SLC8A1: variants seen among roughly 807,000 people sequenced by gnomAD.
SLC8A1 encodes solute carrier family 8 member A1.
In SLC8A1, 18 loss-of-function variants were observed where a neutral mutation model predicts 68.3. The observed-to-expected ratio is 0.26, with a 90% CI of 0.18 to 0.39. The LOEUF (loss-of-function observed/expected upper bound fraction) is 0.39, where lower values mean the gene tolerates loss of function less well. Ranked by LOEUF, SLC8A1 falls within the 10% of genes least tolerant of loss-of-function variation. The pLI, the probability that SLC8A1 is intolerant of heterozygous loss-of-function variation, is 1.00. For missense variants in SLC8A1, 985 were observed against 1,156.7 expected, an observed-to-expected ratio of 0.85 and a Z score of 2.15; for synonymous variants, 475 against 415.5, an observed-to-expected ratio of 1.14 and a Z score of -1.74.
At chr2:40,253,743 C>G (rs575060508) in intron 2 of SLC8A1, among the ~76,000 whole-genome samples, 1 of 146,324 alleles carries the variant, frequency 6.8e-6, no homozygotes, top group African/African-American at 2.5e-5. Context: ...AGGAGAATCA[C>G]TTAAACCCAG....
chr2:40,379,747 T>C (rs1360114869), intron 2 of SLC8A1, among the ~76,000 whole-genome samples: 1 of 152,060 alleles, frequency 6.6e-6, no homozygotes, highest in Non-Finnish European at 1.5e-5. Flanking sequence ...AGGCTTCTTC[T>C]TTGCTCATTT....
At chr2:40,457,676 C>A (rs1483276150) in intron 1 of SLC8A1, among the ~76,000 whole-genome samples, 1 of 152,186 alleles carries the variant, frequency 6.6e-6, no homozygotes, top group African/African-American at 2.4e-5. Context: ...ACAAGTAATA[C>A]TTAGAAACTG....
At chr2:40,189,048 T>A (rs1369568310) in intron 2 of SLC8A1, among the ~76,000 whole-genome samples, 1 of 152,210 alleles carries the variant, frequency 6.6e-6, no homozygotes, top group Non-Finnish European at 1.5e-5. Flanking sequence ...TTTACTAATA[T>A]CAAGGGGTAG....
chr2:40,428,451 A>T (rs774951970), intron 2 of SLC8A1, 22 bp downstream of exon 2: 1 of 1,534,134 alleles, frequency 6.5e-7, no homozygotes, highest in East Asian at 2.3e-5. Flanking sequence ...ACACACACAC[A>T]CATATATAAT....
chr2:40,115,085 T>C (rs888775823), exon 8 of SLC8A1: 2 of 389,350 alleles, frequency 5.1e-6, no homozygotes, highest in African/African-American at 4.2e-5. Context: ...CCCCTGGGAA[T>C]GGGAGGTGAT....
chr2:40,332,386 C>T (rs992642523), intron 2 of SLC8A1, among the ~76,000 whole-genome samples: 1 of 137,140 alleles, frequency 7.3e-6, no homozygotes, highest in Non-Finnish European at 1.5e-5. Context: ...TCAATTCAAA[C>T]AGTCAAATGA....
At chr2:40,121,795 CT>C (rs1264580624) in intron 7 of SLC8A1, among the ~76,000 whole-genome samples, 1 of 152,160 alleles carries the variant, frequency 6.6e-6, no homozygotes, top group East Asian at 1.9e-4. Flanking sequence ...TGATTCTATA[CT>C]TTTAAGGAGT....
intron 2 of SLC8A1, among the ~76,000 whole-genome samples, chr2:40,296,914 A>G (rs2070500585): frequency 6.6e-6 from 1 of 152,174 alleles, no homozygotes; most frequent in Middle Eastern, 3.2e-3. Flanking sequence ...CTCCACTAGA[A>G]ACTCCCTCTA....
chr2:40,387,267 A>G (rs954141056), intron 2 of SLC8A1, among the ~76,000 whole-genome samples: 3 of 151,370 alleles, frequency 2.0e-5, no homozygotes, highest in Admixed American at 6.6e-5. Flanking sequence ...CTCTAGAGAA[A>G]TGCTGCAAGT....
At chr2:40,431,701 T>A (rs906354500) in intron 1 of SLC8A1, among the ~76,000 whole-genome samples, 4 of 152,234 alleles carry the variant, frequency 2.6e-5, no homozygotes, top group Middle Eastern at 3.4e-3. Flanking sequence ...CATACCCTTA[T>A]GTCCTGGAAA....
intron 4 of SLC8A1, among the ~76,000 whole-genome samples, chr2:40,172,277 C>T (rs890114389): frequency 4.6e-5 from 7 of 152,116 alleles, no homozygotes; most frequent in Admixed American, 3.9e-4. Flanking sequence ...TAAAGTGAGA[C>T]GATTTCTTAG....
chr2:40,302,457 G>C (rs1559154638), intron 2 of SLC8A1, among the ~76,000 whole-genome samples: 1 of 150,740 alleles, frequency 6.6e-6, no homozygotes, highest in East Asian at 2.0e-4. Flanking sequence ...GTGTGTGTGT[G>C]TGTGTGTGTA....
At chr2:40,361,887 C>CTTT (rs1172909749) in intron 2 of SLC8A1, among the ~76,000 whole-genome samples, 643 of 53,148 alleles carry the variant, frequency 0.012, 133 homozygotes, top group Non-Finnish European at 0.013. Flanking sequence ...CTTTTCTTTC[C>CTTT]TTTTTTTTTT....
intron 2 of SLC8A1, among the ~76,000 whole-genome samples, chr2:40,280,097 C>A (rs1394167390): frequency 2.0e-5 from 3 of 151,906 alleles, no homozygotes; most frequent in South Asian, 2.1e-4. Flanking sequence ...TAAACCCTAG[C>A]CTTTTAGATA....
At chr2:40,246,527 C>T (rs577970696) in intron 2 of SLC8A1, among the ~76,000 whole-genome samples, 1 of 152,312 alleles carries the variant, frequency 6.6e-6, no homozygotes, top group African/African-American at 2.4e-5. Context: ...TAGCCAAACA[C>T]TGTGGGGTAA....
chr2:40,175,418 C>A, intron 3 of SLC8A1, 137 bp from the exon 4 acceptor site: 1 of 758,144 alleles, frequency 1.3e-6, no homozygotes, highest in Non-Finnish European at 2.2e-6. Flanking sequence ...ATGGGTATAC[C>A]CCAAAGAAAT....
chr2:40,286,840 G>C (rs2068397714), intron 2 of SLC8A1, among the ~76,000 whole-genome samples: 1 of 152,190 alleles, frequency 6.6e-6, no homozygotes, highest in Non-Finnish European at 1.5e-5. Context: ...ACATGTGCTT[G>C]ATTGGTCTGA....
intron 2 of SLC8A1, among the ~76,000 whole-genome samples, chr2:40,426,232 A>T (rs867721265): frequency 6.6e-6 from 1 of 152,060 alleles, no homozygotes; most frequent in Non-Finnish European, 1.5e-5. Flanking sequence ...TTCACATTTC[A>T]ATTAAGCAAA....
chr2:40,159,676 G>A (rs1168039778), intron 6 of SLC8A1, among the ~76,000 whole-genome samples: 2 of 152,222 alleles, frequency 1.3e-5, no homozygotes, highest in African/African-American at 4.8e-5. Flanking sequence ...GAGCTTATAT[G>A]CAAATTCCAA....
Sources: gnomAD v4.1 joint callset for allele counts (sites outside exome capture counted in the v4.1 genomes callset) on GRCh38, gnomAD v4.1.1 for gene constraint, MANE v1.5 for transcripts, NCBI Gene and HGNC (gene_info 2026-07-23, HGNC 2026-07-21) for gene names.